Variants in CUL2 observed in about 807,000 individuals in gnomAD.
CUL2 encodes cullin-2.
A neutral mutation model predicts 110.2 loss-of-function variants in CUL2; 22 were observed. The ratio of observed to expected loss-of-function variants is 0.20; its 90% CI spans 0.14 to 0.28. The LOEUF is 0.28. CUL2 is among the 10% of genes least tolerant of loss of function. CUL2 has a pLI of 1.00. For missense variants in CUL2, 631 were observed against 905.5 expected, an observed-to-expected ratio of 0.70 and a Z score of 3.89; for synonymous variants, 279 against 293.2, an observed-to-expected ratio of 0.95 and a Z score of 0.49.
rs1588972352 is a variant in CUL2, at chr10:35,033,021, T to C, written c.1110+145A>G. ...TTCAGTTAATAATTTAAAAATTATA[T>C]TATTTCTATTTTGAATTTCATATCA... On this transcript the variant is annotated intron_variant, in intron 11 of 20. Coordinates refer to ENST00000374749, the MANE Select transcript of CUL2 (RefSeq NM_003591.4). The C allele has an allele frequency of 7.1e-6, 3 of 423,032 alleles. No individual in the cohort carries two copies. In the East Asian group the frequency reaches 1.1e-4, roughly 16 times the overall value. 26.2% of individuals were successfully genotyped at this position (423,032 alleles called of 1,614,324 possible). A position where few individuals can be genotyped will look rare whatever the true frequency, so the allele number is the denominator to read the frequency against.
chr10:35,122,754 C>T (rs1045205070), intron 1 of CUL2, among the ~76,000 whole-genome samples: 9 of 152,162 alleles, frequency 5.9e-5, no homozygotes, highest in South Asian at 2.1e-4. Context: ...TCTCATGCCT[C>T]GGGCTCTTAA....
intron 6 of CUL2, among the ~76,000 whole-genome samples, chr10:35,045,984 T>G (rs1662762655): frequency 6.6e-6 from 1 of 152,240 alleles, no homozygotes; most frequent in East Asian, 1.9e-4. Flanking sequence ...ATGTAAGAAT[T>G]TTCTATCATT....
At chr10:35,109,106 G>A (rs1392265508) in intron 1 of CUL2, among the ~76,000 whole-genome samples, 1 of 152,120 alleles carries the variant, frequency 6.6e-6, no homozygotes, top group Non-Finnish European at 1.5e-5. Context: ...CCAGCTACTT[G>A]GGAGGCTGAG....
intron 1 of CUL2, among the ~76,000 whole-genome samples, chr10:35,087,848 A>G (rs1479300835): frequency 3.3e-5 from 5 of 150,216 alleles, no homozygotes; most frequent in Non-Finnish European, 7.4e-5. Flanking sequence ...CTCTCAGTTT[A>G]GAAGAGTTCC....
upstream of CUL2, among the ~76,000 whole-genome samples, chr10:35,094,153 C>T (rs1331298895): frequency 1.3e-5 from 2 of 152,062 alleles, no homozygotes; most frequent in Non-Finnish European, 2.9e-5. Context: ...TACACAGTCT[C>T]AGGTATTTCA....
chr10:35,086,060 C>A (rs1283588087), intron 1 of CUL2, among the ~76,000 whole-genome samples: 1 of 151,912 alleles, frequency 6.6e-6, no homozygotes, highest in Non-Finnish European at 1.5e-5. Context: ...ATAGTGAAAC[C>A]TTGTCTCTAC....
At chr10:35,055,739 C>T (rs1161647667) in intron 4 of CUL2, among the ~76,000 whole-genome samples, 3 of 148,500 alleles carry the variant, frequency 2.0e-5, no homozygotes, top group Admixed American at 1.3e-4. Context: ...CAAGATCATA[C>T]TCTTTTTTTT....
At chr10:35,017,551 G>A (rs1008351470) in intron 17 of CUL2, among the ~76,000 whole-genome samples, 19 of 151,968 alleles carry the variant, frequency 1.3e-4, no homozygotes, top group Admixed American at 9.2e-4. Context: ...AAAATTCGCC[G>A]GGCATGATGG....
At chr10:35,087,200 C>T (rs531644143) in intron 1 of CUL2, among the ~76,000 whole-genome samples, 20 of 152,304 alleles carry the variant, frequency 1.3e-4, no homozygotes, top group African/African-American at 4.1e-4. Flanking sequence ...TACAGGCGTG[C>T]GCCACCACGC....
At chr10:35,059,392 T>A (rs1410100242) in intron 4 of CUL2, among the ~76,000 whole-genome samples, 1 of 152,146 alleles carries the variant, frequency 6.6e-6, no homozygotes, top group African/African-American at 2.4e-5. Flanking sequence ...TCAGCAGCCA[T>A]CAACACCGAG....
rs543572561 is a variant in CUL2, at chr10:35,042,531, C to A, written c.714+2035G>T. Among the ~76,000 whole-genome samples, 13 of 152,232 alleles carry A rather than the reference C, an allele frequency of 8.5e-5. No homozygotes were observed. The East Asian group carries it at 2.5e-3, about 29-fold the overall frequency. The stretch of plus-strand genomic sequence containing the variant: ...AAGGCAGGACTCTAATCTTGCCCTA[C>A]CTTTCTGACTGTGGGTCATAAGACC... On this transcript the variant is annotated intron_variant, in intron 8 of 20. Transcript: ENST00000374749.
intron 1 of CUL2, among the ~76,000 whole-genome samples, chr10:35,114,636 C>T (rs889826577): frequency 2.0e-5 from 3 of 152,184 alleles, no homozygotes; most frequent in Admixed American, 6.5e-5. Flanking sequence ...CCGCCTCGGC[C>T]TCCCAAAGTG....
intron 1 of CUL2, among the ~76,000 whole-genome samples, chr10:35,082,840 G>A (rs181018591): frequency 6.6e-6 from 1 of 152,002 alleles, no homozygotes; most frequent in South Asian, 2.1e-4. Context: ...CATTATTTTG[G>A]TAACTATACA....
chr10:35,119,365 T>A (rs2087647111), intron 1 of CUL2, among the ~76,000 whole-genome samples: 1 of 152,152 alleles, frequency 6.6e-6, no homozygotes, highest in South Asian at 2.1e-4. Flanking sequence ...TTTCTGTGGA[T>A]CTCCATTTGC....
intron 17 of CUL2, among the ~76,000 whole-genome samples, chr10:35,016,996 A>C (rs2085052169): frequency 6.6e-6 from 1 of 152,072 alleles, no homozygotes; most frequent in Non-Finnish European, 1.5e-5. Context: ...AGGCAGAAAA[A>C]GAAAAGAACA....
intron 1 of CUL2, among the ~76,000 whole-genome samples, chr10:35,112,244 T>C (rs752591906): frequency 3.3e-5 from 5 of 152,222 alleles, no homozygotes; most frequent in Non-Finnish European, 5.9e-5. Context: ...TCAGCGAAGA[T>C]GGAAAGACCA....
intron 4 of CUL2, among the ~76,000 whole-genome samples, chr10:35,059,225 A>G (rs879847924): frequency 2.0e-5 from 3 of 152,234 alleles, no homozygotes; most frequent in African/African-American, 4.8e-5. Flanking sequence ...TTTCGTAAGA[A>G]TTTCTACTGC....
Position 35,008,624 on chromosome 10 carries a change from A to G in CUL2, c.*1687T>C, listed in dbSNP as rs1481603507. 1 of 152,238 alleles carries G rather than the reference A, an allele frequency of 6.6e-6. No homozygotes were observed. Among genetic ancestry groups the G allele is most frequent in the Non-Finnish European group, 1.5e-5 (1 of 68,044 alleles). 9.4% of individuals were successfully genotyped at this position (152,238 alleles called of 1,614,324 possible). A position where few individuals can be genotyped will look rare whatever the true frequency, so the allele number is the denominator to read the frequency against. On this transcript the variant is annotated 3_prime_UTR_variant, in exon 21 of 21. Coordinates refer to ENST00000374749, the MANE Select transcript of CUL2 (RefSeq NM_003591.4). ...TGCTTTTTGACAGTGAATGTACAAT[A>G]TTATATGGTTTGCCATTATTTCCTC...
Position 35,049,830 on chromosome 10 carries a change from G to GT in CUL2, c.424-66dup, listed in dbSNP as rs566362886. On this transcript the variant is annotated intron_variant, in intron 5 of 20. Transcript: ENST00000374749. The stretch of plus-strand genomic sequence containing the variant: ...AGTATATGTTTAACATTTCCTCAAG[G>GT]TTTTTTTTAACTAAAAATACTCATC... 506 of 1,082,892 alleles carry GT rather than the reference G, an allele frequency of 4.7e-4. 1 individual carries two copies. The African/African-American group carries it at 5.1e-3, about 11-fold the overall frequency. 67.1% of individuals were successfully genotyped at this position (1,082,892 alleles called of 1,614,324 possible).
Sources: allele counts gnomAD v4.1 joint callset (sites outside exome capture counted in the v4.1 genomes callset), GRCh38; gene constraint gnomAD v4.1.1; transcripts MANE v1.5; gene names NCBI Gene and HGNC (gene_info 2026-07-23, HGNC 2026-07-21).